MAN2A1: variants seen among roughly 807,000 people sequenced by gnomAD.
The protein encoded by MAN2A1 is mannosidase alpha class 2A member 1, also known as alpha-mannosidase 2.
In MAN2A1, 76 loss-of-function variants were observed where a neutral mutation model predicts 142.6. That is an observed-to-expected ratio of 0.53 (90% CI 0.44 to 0.65). The LOEUF (loss-of-function observed/expected upper bound fraction) is 0.65. Among genes scored for constraint, MAN2A1 ranks in the 30% least tolerant of loss-of-function variants. The pLI, the probability that MAN2A1 is intolerant of heterozygous loss-of-function variation, is 0.00. For missense variants in MAN2A1, 1,311 were observed against 1,365.1 expected, an observed-to-expected ratio of 0.96 and a Z score of 0.62; for synonymous variants, 559 against 473.2, an observed-to-expected ratio of 1.18 and a Z score of -2.35.
At chr5:109,850,853 G>A (rs1348248811) in intron 19 of MAN2A1, among the ~76,000 whole-genome samples, 1 of 151,824 alleles carries the variant, frequency 6.6e-6, no homozygotes, top group Non-Finnish European at 1.5e-5. Flanking sequence ...ATAGATTCTG[G>A]GTCTTCAATT....
chr5:109,724,526 A>G (rs1453740337), intron 3 of MAN2A1, among the ~76,000 whole-genome samples: 1 of 152,194 alleles, frequency 6.6e-6, no homozygotes, highest in Admixed American at 6.5e-5. Flanking sequence ...ATGGAAAAAA[A>G]ATCTTGAGGC....
At chr5:109,853,873 T>G (rs1173682139) in intron 19 of MAN2A1, 1 of 152,218 alleles carries the variant, frequency 6.6e-6, no homozygotes, top group Non-Finnish European at 1.5e-5. Flanking sequence ...CAGACCCGAT[T>G]TTTTATCAGT....
chr5:109,843,380 T>C (rs1359337648), intron 17 of MAN2A1, among the ~76,000 whole-genome samples: 1 of 152,166 alleles, frequency 6.6e-6, no homozygotes, highest in Non-Finnish European at 1.5e-5. Context: ...ACCACCCCCA[T>C]GATCTAGTCT....
intron 4 of MAN2A1, among the ~76,000 whole-genome samples, chr5:109,751,551 G>A (rs758731735): frequency 2.8e-4 from 43 of 151,602 alleles, no homozygotes; most frequent in Non-Finnish European, 5.7e-4. Flanking sequence ...GGATCATAAG[G>A]TAGTTCTATT....
intron 18 of MAN2A1, among the ~76,000 whole-genome samples, chr5:109,846,802 A>G (rs1220925488): frequency 6.6e-6 from 1 of 152,068 alleles, no homozygotes; most frequent in Non-Finnish European, 1.5e-5. Flanking sequence ...GCTACTTCTC[A>G]TTTTTCTTTG....
chr5:109,736,159 G>A (rs1044253788), intron 4 of MAN2A1, among the ~76,000 whole-genome samples: 1 of 151,928 alleles, frequency 6.6e-6, no homozygotes, highest in African/African-American at 2.4e-5. Context: ...TAATATACCA[G>A]GATATGCACA....
At chr5:109,830,827 C>T (rs2077221) in intron 16 of MAN2A1, among the ~76,000 whole-genome samples, 58,788 of 151,924 alleles carry the variant, frequency 0.39, 12,017 homozygotes, top group African/African-American at 0.53. Flanking sequence ...CTGATCATTC[C>T]CTACAGGCAT....
Position 109,699,199 on chromosome 5 carries a change from C to G in MAN2A1, c.135+8647C>G, listed in dbSNP as rs563783666. On this transcript the variant is annotated intron_variant, in intron 1 of 21. Coordinates refer to ENST00000261483, the MANE Select transcript of MAN2A1 (RefSeq NM_002372.4). ...GGAATTTGGTACTTCTCAGCCTTCTCCCACTCAATTTCTCTTCCTTCTCAT... is the reference window on the plus strand; with the variant it reads ...GGAATTTGGTACTTCTCAGCCTTCTGCCACTCAATTTCTCTTCCTTCTCAT... Among the ~76,000 whole-genome samples, 3 of 152,316 alleles carry G rather than the reference C, an allele frequency of 2.0e-5. No individual in the cohort carries two copies. The South Asian group carries it at 6.2e-4, about 32-fold the overall frequency.
chr5:109,763,570 C>T (rs1053596329), intron 5 of MAN2A1, among the ~76,000 whole-genome samples: 5 of 151,194 alleles, frequency 3.3e-5, no homozygotes, highest in African/African-American at 1.2e-4. Context: ...GCACAATGTG[C>T]AGGTTAGTTA....
At chr5:109,745,915 T>A (rs1222237761) in intron 4 of MAN2A1, among the ~76,000 whole-genome samples, 1 of 152,206 alleles carries the variant, frequency 6.6e-6, no homozygotes, top group Non-Finnish European at 1.5e-5. Context: ...CTGCACTTGG[T>A]CCCAAGACAT....
intron 5 of MAN2A1, among the ~76,000 whole-genome samples, chr5:109,759,170 A>G (rs984744233): frequency 5.3e-5 from 8 of 152,126 alleles, no homozygotes; most frequent in Admixed American, 3.9e-4. Context: ...CGTTTTAACA[A>G]TGTCACATCT....
chr5:109,813,345 C>A (rs1470504661), intron 12 of MAN2A1, among the ~76,000 whole-genome samples: 2 of 152,222 alleles, frequency 1.3e-5, no homozygotes, highest in African/African-American at 4.8e-5. Flanking sequence ...ACAACTGTCA[C>A]AAAGATCCTT....
At chr5:109,846,097 T>G in intron 18 of MAN2A1, 91 bp downstream of exon 18, 1 of 1,133,470 alleles carries the variant, frequency 8.8e-7, no homozygotes, top group Non-Finnish European at 1.2e-6. Context: ...TAATCTCTAG[T>G]TAAAACCTCC....
chr5:109,842,310 A>C lies in MAN2A1; in HGVS notation c.2567-18A>C. On this transcript the variant is annotated intron_variant, in intron 16 of 21. Transcript: ENST00000261483. ...GTAATTTCTTTCTATTAATCCATAT[A>C]TATTTTTTTAAATTTAGGAATAGAA... 1.4e-6 allele frequency: 2 copies of C among 1,465,052 alleles called. No homozygotes were observed. The highest frequency in any genetic ancestry group is 2.3e-5 in the Admixed American group (1 of 43,528). The allele number at this position is 1,465,052 out of a possible 1,614,324, so 90.8% of individuals were successfully genotyped here. A position where few individuals can be genotyped will look rare whatever the true frequency, so the allele number is the denominator to read the frequency against.
intron 12 of MAN2A1, among the ~76,000 whole-genome samples, chr5:109,794,918 T>C (rs773278807): frequency 3.0e-4 from 45 of 152,264 alleles, no homozygotes; most frequent in South Asian, 1.2e-3. Flanking sequence ...AGTTCCCTGA[T>C]TATCCAGAAG....
In MAN2A1 at chr5:109,845,958, T is replaced by C. The variant is rs757870083; in HGVS notation, c.2794T>C (p.Leu932=). 6.2e-7 allele frequency: 1 copy of C among 1,613,834 alleles called. No individual in the cohort carries two copies. Among genetic ancestry groups the C allele is most frequent in the African/African-American group, 1.3e-5 (1 of 75,040 alleles). The stretch of plus-strand genomic sequence containing the variant: ...CTATATCCAGGATGCCAAACATCGT[T>C]TGACACTGCTCTCTGCTCAGTCATT... ...MAYIQDAKHR[L]TLLSAQSLGV... is the part of the protein sequence containing the mutation. Residue 932 remains leucine (L), a synonymous_variant, in exon 18 of 22, where the codon TTG becomes CTG. Transcript: ENST00000261483.
At chr5:109,764,513 C>T in intron 5 of MAN2A1, among the ~76,000 whole-genome samples, 1 of 152,054 alleles carries the variant, frequency 6.6e-6, no homozygotes, top group East Asian at 1.9e-4. Flanking sequence ...AAAGTATTGC[C>T]AAGAAAAACC....
intron 19 of MAN2A1, among the ~76,000 whole-genome samples, chr5:109,853,163 TTAAAAGG>T (rs1755526295): frequency 6.6e-6 from 1 of 152,236 alleles, no homozygotes; most frequent in Admixed American, 6.5e-5. Context: ...GCAAAGGTAG[TTAAAAGG>T]TAAAGTTTAT....
At chr5:109,752,644 A>G (rs896384169) in intron 4 of MAN2A1, among the ~76,000 whole-genome samples, 1 of 152,180 alleles carries the variant, frequency 6.6e-6, no homozygotes, top group Non-Finnish European at 1.5e-5. Flanking sequence ...ACATGAAGAC[A>G]TCTCTGAGCT....
Sources: allele counts gnomAD v4.1 joint callset (sites outside exome capture counted in the v4.1 genomes callset), GRCh38; gene constraint gnomAD v4.1.1; transcripts MANE v1.5; gene names NCBI Gene and HGNC (gene_info 2026-07-23, HGNC 2026-07-21).